The following FLRT2 variants were observed in gnomAD, a reference collection of about 807,000 sequenced individuals.
FLRT2 encodes the protein fibronectin leucine rich transmembrane protein 2.
Under a neutral mutation model 40.0 loss-of-function variants are expected in FLRT2, and 15 were observed. The observed-to-expected ratio is 0.38, with a 90% CI of 0.25 to 0.58. The LOEUF (loss-of-function observed/expected upper bound fraction) is 0.58, where lower values mean the gene tolerates loss of function less well. FLRT2 is among the 20% of genes least tolerant of loss of function. The pLI is 0.71. For missense variants in FLRT2, 726 were observed against 840.0 expected (o/e 0.86, Z 1.68); for synonymous variants, 380 against 336.8 (o/e 1.13, Z -1.41).
intron 1 of FLRT2, among the ~76,000 whole-genome samples, chr14:85,578,623 C>T (rs890647363): frequency 5.9e-5 from 9 of 152,206 alleles, no homozygotes; most frequent in South Asian, 2.1e-4. Context: ...AAATAGTCAT[C>T]GTAGCATCGT....
rs1000130595 is a variant in FLRT2, at chr14:85,626,967, T to A, written c.*3470T>A. ...GAGGACAACATCTTCATGCTGTGAT[T>A]GAAGCATCCATTCAGAACACGAGGC... On this transcript the variant is annotated 3_prime_UTR_variant, in exon 2 of 2. Coordinates refer to ENST00000330753, the MANE Select transcript of FLRT2 (RefSeq NM_013231.6). 2 of 167,026 alleles carry A rather than the reference T, an allele frequency of 1.2e-5. No homozygotes were observed. The highest frequency in any genetic ancestry group is 2.9e-5 in the Non-Finnish European group (2 of 68,132). The allele number at this position is 167,026 out of a possible 1,614,324, so 10.3% of individuals were successfully genotyped here. A position where few individuals can be genotyped will look rare whatever the true frequency, so the allele number is the denominator to read the frequency against.
chr14:85,615,619 G>A (rs1893091294), intron 1 of FLRT2, among the ~76,000 whole-genome samples: 1 of 90,694 alleles, frequency 1.1e-5, no homozygotes, highest in Non-Finnish European at 2.3e-5. Flanking sequence ...AATGGTTTCA[G>A]GCTACGGGGT....
chr14:85,536,898 A>G (rs1322079180), intron 1 of FLRT2, among the ~76,000 whole-genome samples: 1 of 152,222 alleles, frequency 6.6e-6, no homozygotes, highest in Non-Finnish European at 1.5e-5. Flanking sequence ...TCCACTGCCA[A>G]TGAAGGGATT....
chr14:85,636,902 C>T lies in FLRT2; in HGVS notation c.*13405C>T, dbSNP rs773294766. The T allele has an allele frequency of 8.0e-6, 1 of 124,970 alleles. No individual in the cohort carries two copies. Among genetic ancestry groups the T allele is most frequent in the South Asian group, 2.6e-4 (1 of 3,818 alleles). The allele number at this position is 124,970 out of a possible 1,614,324, so 7.7% of individuals were successfully genotyped here. A position where few individuals can be genotyped will look rare whatever the true frequency, so the allele number is the denominator to read the frequency against. The stretch of plus-strand genomic sequence containing the variant: ...TGAGATAGTGCCACTGCATTCTAGC[C>T]TGGGTGACAGAGCGATACTTCGTCT... On this transcript the variant is annotated 3_prime_UTR_variant, in exon 2 of 2. Coordinates refer to ENST00000330753, the MANE Select transcript of FLRT2 (RefSeq NM_013231.6).
intron 1 of FLRT2, among the ~76,000 whole-genome samples, chr14:85,620,432 A>G (rs1341529949): frequency 1.3e-5 from 2 of 152,190 alleles, no homozygotes; most frequent in Admixed American, 6.5e-5. Context: ...TATCACCTTC[A>G]TACTGTGTTC....
At position 85,622,886 on chromosome 14, in the gene FLRT2, G is replaced by C; in HGVS notation, c.1372G>C (p.Gly458Arg). 5 of 1,614,166 alleles carry C rather than the reference G, an allele frequency of 3.1e-6. No homozygotes were observed. The highest frequency in any genetic ancestry group is 2.5e-6 in the Non-Finnish European group (3 of 1,180,038). ...ATACAAACTCACATGGGTGAAAATGGGCCACAGTTTAGTAGGGGGCATCGT... is the reference window on the plus strand; with the variant it reads ...ATACAAACTCACATGGGTGAAAATGCGCCACAGTTTAGTAGGGGGCATCGT... ...MAYKLTWVKMGHSLVGGIVQE... is the reference protein window; with the variant it reads ...MAYKLTWVKMRHSLVGGIVQE... The change falls in exon 2 of 2, where the codon GGC (glycine) becomes CGC (arginine). Residue 458 changes from glycine (G) to arginine (R), a missense_variant. Gly to Arg is a moderately radical substitution (Grantham distance 125, BLOSUM62 -2). This residue lies in a region of FLRT2 where 611 missense variants were observed against 690.0 expected (regional missense o/e 0.89). Transcript: ENST00000330753.
At position 85,643,081 on chromosome 14, in the gene FLRT2, G is replaced by T. The variant is rs910881773; in HGVS notation, c.*19584G>T. 1 of 152,052 alleles carries T rather than the reference G, an allele frequency of 6.6e-6. No individual in the cohort carries two copies. The highest frequency in any genetic ancestry group is 2.4e-5 in the African/African-American group (1 of 41,404). The allele number at this position is 152,052 out of a possible 1,614,324, so 9.4% of individuals were successfully genotyped here. A position where few individuals can be genotyped will look rare whatever the true frequency, so the allele number is the denominator to read the frequency against. On this transcript the variant is annotated 3_prime_UTR_variant, in exon 2 of 2. Transcript: ENST00000330753. ...TTTATTAGGTCATTATTCTCAACAT[G>T]AGGGCTCCACCCTTATGGATTAATT...
chr14:85,620,531 C>A (rs1232709002), intron 1 of FLRT2, among the ~76,000 whole-genome samples: 1 of 152,012 alleles, frequency 6.6e-6, no homozygotes, highest in Non-Finnish European at 1.5e-5. Context: ...GAAATGGCAA[C>A]TTATTCAGCT....
chr14:85,542,243 G>A (rs574073729), intron 1 of FLRT2, among the ~76,000 whole-genome samples: 71 of 152,200 alleles, frequency 4.7e-4, no homozygotes, highest in African/African-American at 1.6e-3. Context: ...AAATAGCAGT[G>A]TTCAGATGTC....
rs976300778 is a variant in FLRT2, at chr14:85,633,669, A to G, written c.*10172A>G. 1 of 151,366 alleles carries G rather than the reference A, an allele frequency of 6.6e-6. No individual in the cohort carries two copies. Among genetic ancestry groups the G allele is most frequent in the African/African-American group, 2.4e-5 (1 of 41,174 alleles). 9.4% of individuals were successfully genotyped at this position (151,366 alleles called of 1,614,324 possible). A position where few individuals can be genotyped will look rare whatever the true frequency, so the allele number is the denominator to read the frequency against. ...AAAAAAATTAGCCAGGAGTGGTGGCATGTGCCTATAGTCCCAGCTACTTGG... is the reference window on the plus strand; with the variant it reads ...AAAAAAATTAGCCAGGAGTGGTGGCGTGTGCCTATAGTCCCAGCTACTTGG... On this transcript the variant is annotated 3_prime_UTR_variant, in exon 2 of 2. Coordinates refer to ENST00000330753, the MANE Select transcript of FLRT2 (RefSeq NM_013231.6).
chr14:85,598,254 G>T (rs1892228072), intron 1 of FLRT2, among the ~76,000 whole-genome samples: 1 of 152,164 alleles, frequency 6.6e-6, no homozygotes, highest in African/African-American at 2.4e-5. Context: ...TACACGATTT[G>T]CTGCATGTTT....
Position 85,629,619 on chromosome 14 carries a change from C to T in FLRT2, c.*6122C>T, listed in dbSNP as rs1893815920. On this transcript the variant is annotated 3_prime_UTR_variant, in exon 2 of 2. Coordinates refer to ENST00000330753, the MANE Select transcript of FLRT2 (RefSeq NM_013231.6). ...AAATTAAGTGATTAGTCTATAGCTA[C>T]AAATCCTGTAAATGGCAGAGTCAGG... The T allele has an allele frequency of 6.6e-6, 1 of 152,166 alleles. No individual in the cohort carries two copies. Among genetic ancestry groups the T allele is most frequent in the South Asian group, 2.1e-4 (1 of 4,834 alleles). The allele number at this position is 152,166 out of a possible 1,614,324, so 9.4% of individuals were successfully genotyped here. A position where few individuals can be genotyped will look rare whatever the true frequency, so the allele number is the denominator to read the frequency against.
intron 1 of FLRT2, among the ~76,000 whole-genome samples, chr14:85,558,536 A>T (rs1396668312): frequency 1.3e-5 from 2 of 152,204 alleles, no homozygotes; most frequent in African/African-American, 4.8e-5. Flanking sequence ...TTCCAGAGAC[A>T]TGAGGAGAAT....
intron 1 of FLRT2, among the ~76,000 whole-genome samples, chr14:85,550,565 G>C (rs898739991): frequency 1.3e-5 from 2 of 152,140 alleles, no homozygotes; most frequent in African/African-American, 4.8e-5. Flanking sequence ...AAGTTAAGAA[G>C]GTATTTTTTT....
chr14:85,600,053 A>G (rs1452035673), intron 1 of FLRT2, among the ~76,000 whole-genome samples: 2 of 152,212 alleles, frequency 1.3e-5, no homozygotes, highest in African/African-American at 4.8e-5. Flanking sequence ...ACGCAAGTGC[A>G]GTTCAGCTCA....
rs187991160 is a variant in FLRT2 at position 85,646,478 on chromosome 14, A to T, written c.*22981A>T. The T allele has an allele frequency of 2.0e-5, 3 of 152,326 alleles. No individual in the cohort carries two copies. The highest frequency in any genetic ancestry group is 7.2e-5 in the African/African-American group (3 of 41,576). The allele number at this position is 152,326 out of a possible 1,614,324, so 9.4% of individuals were successfully genotyped here. Reference sequence around the variant, plus strand: ...AACAAATCATGAGAAGGAAGGGAGGAAAGGATGAAGTAGGTTTGCAGTCCT... The same window carrying T: ...AACAAATCATGAGAAGGAAGGGAGGTAAGGATGAAGTAGGTTTGCAGTCCT... On this transcript the variant is annotated 3_prime_UTR_variant, in exon 2 of 2. Transcript: ENST00000330753.
chr14:85,534,515 A>G (rs1231816358), intron 1 of FLRT2, among the ~76,000 whole-genome samples: 2 of 152,164 alleles, frequency 1.3e-5, no homozygotes, highest in Non-Finnish European at 2.9e-5. Context: ...CTGGCATCAT[A>G]AAATAGGAAC....
In FLRT2 at chr14:85,647,787, A is replaced by G. The variant is rs1894341743; in HGVS notation, c.*24290A>G. ...ACCACATACAGGCAGAACCACTAAG[A>G]GTAAAAACCCCTCAGGAATTAGGAT... is the stretch of plus-strand genomic sequence containing the variant. On this transcript the variant is annotated 3_prime_UTR_variant, in exon 2 of 2. Transcript: ENST00000330753. The G allele has an allele frequency of 6.6e-6, 1 of 152,180 alleles. No homozygotes were observed. The highest frequency in any genetic ancestry group is 2.4e-5 in the African/African-American group (1 of 41,452). 9.4% of individuals were successfully genotyped at this position (152,180 alleles called of 1,614,324 possible).
chr14:85,616,248 A>G, intron 1 of FLRT2, among the ~76,000 whole-genome samples: 1 of 150,984 alleles, frequency 6.6e-6, no homozygotes, highest in East Asian at 1.9e-4. Flanking sequence ...ATTCTTTATA[A>G]TTTCTAGTTT....
Sources: gnomAD v4.1 joint callset for allele counts (sites outside exome capture counted in the v4.1 genomes callset) on GRCh38, gnomAD v4.1.1 for gene constraint, gnomAD v4.1.1 regional missense constraint, MANE v1.5 for transcripts, NCBI Gene and HGNC (gene_info 2026-07-23, HGNC 2026-07-21) for gene names.